Variants in PSMA6 observed in about 807,000 individuals in gnomAD.
PSMA6 encodes the protein proteasome subunit alpha type-6.
For synonymous variants in PSMA6, 88 were observed against 97.7 expected, an observed-to-expected ratio of 0.90 and a Z score of 0.59; for missense variants, 170 against 294.8, an observed-to-expected ratio of 0.58 and a Z score of 3.10.
In PSMA6 at chr14:35,284,154, G is replaced by T. The variant is rs1282396116; in HGVS notation, c.19+5436G>T. On this transcript the variant is annotated intron_variant, in intron 1 of 6. Coordinates refer to the PSMA6 transcript ENST00000540871. Reference sequence around the variant, plus strand: ...TATCCAAGGCCAGCTCCTTTCATTTGTACCCTAATCCAAAACATTTTTTGA... The same window carrying T: ...TATCCAAGGCCAGCTCCTTTCATTTTTACCCTAATCCAAAACATTTTTTGA... Among the ~76,000 whole-genome samples, 7 of 152,064 alleles carry T rather than the reference G, an allele frequency of 4.6e-5. No homozygotes were observed. The East Asian group carries it at 1.4e-3, about 29-fold the overall frequency.
rs933690297 is a variant in PSMA6, at chr14:35,314,595, C to T, written c.683+140C>T. ...TGTGTGTTTGTTTTTTTCCCCAGCA[C>T]CTGAGATCTGTTTTTAAAACTTTGG... On this transcript the variant is annotated intron_variant, in intron 6 of 6. Transcript: ENST00000261479. 6.1e-6 allele frequency: 7 copies of T among 1,140,030 alleles called. No homozygotes were observed. The African/African-American group carries it at 1.1e-4, about 18-fold the overall frequency. 70.6% of individuals were successfully genotyped at this position (1,140,030 alleles called of 1,614,324 possible).
At chr14:35,304,135 G>A (rs2051774445) in intron 1 of PSMA6, among the ~76,000 whole-genome samples, 1 of 151,982 alleles carries the variant, frequency 6.6e-6, no homozygotes, top group South Asian at 2.1e-4. Flanking sequence ...ACCATGTCTG[G>A]CTAATTTTTG....
intron 1 of PSMA6, among the ~76,000 whole-genome samples, chr14:35,295,679 T>G (rs1236682751): frequency 6.6e-6 from 1 of 152,166 alleles, no homozygotes; most frequent in Non-Finnish European, 1.5e-5. Context: ...CTTGAACTCC[T>G]GACTTCAGGT....
chr14:35,314,189 T>C, intron 5 of PSMA6, 172 bp from the exon 6 acceptor site: 1 of 620,286 alleles, frequency 1.6e-6, no homozygotes, highest in Non-Finnish European at 2.3e-6. Flanking sequence ...AGAAAAAAAT[T>C]TCTCATCATT....
intron 4 of PSMA6, among the ~76,000 whole-genome samples, chr14:35,311,876 C>A (rs554975867): frequency 2.6e-5 from 4 of 152,096 alleles, no homozygotes; most frequent in African/African-American, 9.6e-5. Context: ...TCAGTTTGTG[C>A]CAGCATTCCC....
intron 6 of PSMA6, chr14:35,315,769 A>C (rs934347125): frequency 1.1e-4 from 17 of 151,652 alleles, no homozygotes; most frequent in Non-Finnish European, 2.2e-4. Flanking sequence ...ACCTACAATT[A>C]GTTCTTGTTT....
At chr14:35,297,822 C>G (rs939198919) in intron 1 of PSMA6, among the ~76,000 whole-genome samples, 1 of 152,152 alleles carries the variant, frequency 6.6e-6, no homozygotes, top group East Asian at 1.9e-4. Flanking sequence ...CATTTTGCCA[C>G]CGTGCCTTTT....
chr14:35,285,971 C>T (rs1441262122), intron 1 of PSMA6, among the ~76,000 whole-genome samples: 1 of 152,172 alleles, frequency 6.6e-6, no homozygotes, highest in Non-Finnish European at 1.5e-5. Context: ...TGGTTTCATT[C>T]TTTACTAGGG....
At chr14:35,305,080 A>G (rs888050164) in intron 1 of PSMA6, among the ~76,000 whole-genome samples, 31 of 152,170 alleles carry the variant, frequency 2.0e-4, no homozygotes, top group Non-Finnish European at 3.5e-4. Flanking sequence ...CTCTTGCTCA[A>G]TAATGATAAT....
At chr14:35,294,621 G>A (rs1216842277) in intron 1 of PSMA6, among the ~76,000 whole-genome samples, 1 of 152,110 alleles carries the variant, frequency 6.6e-6, no homozygotes, top group Non-Finnish European at 1.5e-5. Flanking sequence ...ATAAGGCAAT[G>A]TATGTAGAGT....
In PSMA6 at chr14:35,317,335, A is replaced by G; in HGVS notation, c.*29A>G. 1 of 1,571,084 alleles carries G rather than the reference A, an allele frequency of 6.4e-7. No homozygotes were observed. The highest frequency in any genetic ancestry group is 8.8e-7 in the Non-Finnish European group (1 of 1,142,598). On this transcript the variant is annotated 3_prime_UTR_variant, in exon 7 of 7. Coordinates refer to ENST00000261479, the MANE Select transcript of PSMA6 (RefSeq NM_002791.3). The stretch of plus-strand genomic sequence containing the variant: ...TTGTCGTTAGTTTACCAGATCCGTG[A>G]TGCCACTTACCTGTGTGTTTGGTAA...
chr14:35,305,911 C>T (rs1275358084), intron 1 of PSMA6, among the ~76,000 whole-genome samples: 1 of 151,894 alleles, frequency 6.6e-6, no homozygotes, highest in Non-Finnish European at 1.5e-5. Context: ...AGCAAGACCC[C>T]ATATCTATTT....
At chr14:35,308,231 G>A in intron 2 of PSMA6, 143 bp downstream of exon 2, 3 of 999,012 alleles carry the variant, frequency 3.0e-6, no homozygotes, top group Non-Finnish European at 4.2e-6. Flanking sequence ...AGACCAGCGT[G>A]ACCAACATGG....
chr14:35,287,744 G>T (rs1377602750), upstream of PSMA6, among the ~76,000 whole-genome samples: 3 of 152,188 alleles, frequency 2.0e-5, no homozygotes, highest in Admixed American at 6.5e-5. Flanking sequence ...CAGAGAGGAA[G>T]ATCAAACTTT....
intron 1 of PSMA6, among the ~76,000 whole-genome samples, chr14:35,304,127 C>T (rs1235374913): frequency 1.3e-5 from 2 of 152,020 alleles, no homozygotes; most frequent in Non-Finnish European, 2.9e-5. Flanking sequence ...CACCTGCCAC[C>T]ATGTCTGGCT....
upstream of PSMA6, chr14:35,292,259 A>G (rs2051495302): frequency 2.1e-5 from 29 of 1,356,508 alleles, no homozygotes; most frequent in Non-Finnish European, 2.7e-5. Flanking sequence ...GCATACCTTC[A>G]AAGGCCTCCC....
rs559336133 is a variant in PSMA6, at chr14:35,317,160, T to C, written c.684-89T>C. On this transcript the variant is annotated intron_variant, in intron 6 of 6. Coordinates refer to ENST00000261479, the MANE Select transcript of PSMA6 (RefSeq NM_002791.3). ...AATTGTTAAAGTAGGTTGATAGGTA[T>C]ATGGGAGTTTATTATACTATCCCAC... The C allele has an allele frequency of 4.6e-5, 42 of 912,458 alleles. 1 individual carries two copies. The highest frequency in any genetic ancestry group is 2.6e-4 in the Admixed American group (15 of 58,604). 56.5% of individuals were successfully genotyped at this position (912,458 alleles called of 1,614,324 possible).
intron 3 of PSMA6, chr14:35,310,172 G>T: frequency 2.5e-6 from 1 of 404,878 alleles, no homozygotes. Context: ...GATTAAGAAA[G>T]ATTATTCTCT....
At chr14:35,304,373 A>G (rs2051780291) in intron 1 of PSMA6, among the ~76,000 whole-genome samples, 1 of 152,184 alleles carries the variant, frequency 6.6e-6, no homozygotes, top group Non-Finnish European at 1.5e-5. Flanking sequence ...GGATTTTGGA[A>G]TCCATGGGAG....
Sources: gnomAD v4.1 joint callset for allele counts (sites outside exome capture counted in the v4.1 genomes callset) on GRCh38, gnomAD v4.1.1 for gene constraint, MANE v1.5 for transcripts, NCBI Gene and HGNC (gene_info 2026-07-23, HGNC 2026-07-21) for gene names.